The following ANKMY2 variants were observed in gnomAD, a reference collection of about 807,000 sequenced individuals.
The protein encoded by ANKMY2 is ankyrin repeat and MYND domain containing 2, also known as ankyrin repeat and MYND domain-containing protein 2.
In ANKMY2, 36 loss-of-function variants were observed where a neutral mutation model predicts 50.4. The ratio of observed to expected loss-of-function variants is 0.71; its 90% confidence interval spans 0.55 to 0.94. ANKMY2 has a LOEUF of 0.94. ANKMY2 is among the 40% of genes least tolerant of loss of function. The pLI, the probability that ANKMY2 is intolerant of heterozygous loss-of-function variation, is 0.00. For synonymous variants in ANKMY2, 187 were observed against 178.8 expected (o/e 1.05, Z -0.36); for missense variants, 565 against 524.0 (o/e 1.08, Z -0.76).
At chr7:16,605,374 G>A (rs1008325021) in intron 7 of ANKMY2, among the ~76,000 whole-genome samples, 3 of 152,152 alleles carry the variant, frequency 2.0e-5, no homozygotes, top group African/African-American at 4.8e-5. Context: ...TAATTGGTAT[G>A]TTCCAAATTT....
chr7:16,621,933 C>T (rs990738324), intron 4 of ANKMY2, among the ~76,000 whole-genome samples: 5 of 151,868 alleles, frequency 3.3e-5, no homozygotes, highest in African/African-American at 1.2e-4. Flanking sequence ...TATGCCACTG[C>T]ACTCCAGCCT....
At chr7:16,615,432 A>G (rs1781328890) in intron 5 of ANKMY2, among the ~76,000 whole-genome samples, 1 of 152,136 alleles carries the variant, frequency 6.6e-6, no homozygotes, top group Admixed American at 6.5e-5. Context: ...TGAATACAAA[A>G]GAATTCCTTT....
intron 4 of ANKMY2, among the ~76,000 whole-genome samples, chr7:16,617,919 T>G (rs914892845): frequency 1.6e-4 from 6 of 38,470 alleles, no homozygotes; most frequent in Admixed American, 6.5e-4. Context: ...GTGAGCGTGT[T>G]TTTTTTTTTT....
chr7:16,635,312 G>T (rs1327217012), intron 2 of ANKMY2, among the ~76,000 whole-genome samples: 1 of 152,130 alleles, frequency 6.6e-6, no homozygotes, highest in Non-Finnish European at 1.5e-5. Context: ...CTAATATATT[G>T]TGACTAAAAG....
chr7:16,627,010 A>G (rs1290648248), intron 3 of ANKMY2, 30 bp downstream of exon 3: 3 of 1,547,742 alleles, frequency 1.9e-6, no homozygotes, highest in Non-Finnish European at 2.6e-6. Context: ...TTGTATAGGT[A>G]ACTTATATTT....
chr7:16,603,419 T>G (rs989366693), intron 8 of ANKMY2: 1 of 330,636 alleles, frequency 3.0e-6, no homozygotes, highest in East Asian at 7.5e-5. Context: ...AGAAAATATC[T>G]AGTACAAAAA....
chr7:16,612,609 G>A (rs560572828), intron 5 of ANKMY2, among the ~76,000 whole-genome samples: 153 of 152,200 alleles, frequency 1.0e-3, no homozygotes, highest in African/African-American at 3.2e-3. Context: ...TTACAAGTGA[G>A]AATTCTTTCA....
intron 8 of ANKMY2, among the ~76,000 whole-genome samples, chr7:16,604,453 C>G (rs751948400): frequency 1.3e-5 from 2 of 152,332 alleles, no homozygotes; most frequent in East Asian, 3.9e-4. Context: ...TTCTCATATT[C>G]ATTCATTCAT....
At chr7:16,622,328 A>G (rs576493974) in intron 4 of ANKMY2, among the ~76,000 whole-genome samples, 2 of 152,352 alleles carry the variant, frequency 1.3e-5, no homozygotes, top group South Asian at 4.1e-4. Flanking sequence ...AAGTAAGTTC[A>G]CAATGTACCA....
chr7:16,616,285 T>C (rs897125790), intron 4 of ANKMY2, among the ~76,000 whole-genome samples: 1 of 152,166 alleles, frequency 6.6e-6, no homozygotes, highest in Non-Finnish European at 1.5e-5. Context: ...TCCAGTTGTA[T>C]TTACACAAAA....
chr7:16,642,815 T>G (rs1781763435), intron 1 of ANKMY2, among the ~76,000 whole-genome samples: 1 of 152,232 alleles, frequency 6.6e-6, no homozygotes, highest in South Asian at 2.1e-4. Context: ...TGAGTTAACT[T>G]GACAGATGTT....
chr7:16,624,377 T>C (rs1781481637), intron 4 of ANKMY2, among the ~76,000 whole-genome samples: 1 of 152,206 alleles, frequency 6.6e-6, no homozygotes, highest in African/African-American at 2.4e-5. Context: ...AGGATTAACA[T>C]GCCAAGAATT....
rs1781087205 is a variant in ANKMY2, at chr7:16,602,449, T to C, written c.1072A>G (p.Lys358Glu). The part of the protein sequence containing the change: ...THWFTHKKIC[K>E]NLKDIYEKQQ... ...TTTTCGTAAATGTCCTTCAGATTCTTACAGATTTTCTTATGAGTAAACCAG... is the reference window on the plus strand; with the variant it reads ...TTTTCGTAAATGTCCTTCAGATTCTCACAGATTTTCTTATGAGTAAACCAG... The change falls in exon 9 of 10, where the codon AAG becomes GAG. Residue 358 changes from lysine (K) to glutamate (E), a missense_variant. Coordinates refer to ENST00000306999, the MANE Select transcript of ANKMY2 (RefSeq NM_020319.3). 2 of 1,613,914 alleles carry C rather than the reference T, an allele frequency of 1.2e-6. No individual in the cohort carries two copies. Among genetic ancestry groups the C allele is most frequent in the African/African-American group, 1.3e-5 (1 of 74,934 alleles).
chr7:16,625,308 G>A (rs1225155179), intron 3 of ANKMY2, among the ~76,000 whole-genome samples: 1 of 152,068 alleles, frequency 6.6e-6, no homozygotes, highest in African/African-American at 2.4e-5. Flanking sequence ...CAATGCAAAG[G>A]CAGTATGGAA....
At chr7:16,624,883 G>T in intron 4 of ANKMY2, 100 bp downstream of exon 4, 1 of 982,624 alleles carries the variant, frequency 1.0e-6, no homozygotes. Context: ...TTTTTTTAAA[G>T]CAACATGATA....
At chr7:16,630,088 A>G (rs1429419280) in intron 2 of ANKMY2, among the ~76,000 whole-genome samples, 2 of 152,190 alleles carry the variant, frequency 1.3e-5, no homozygotes, top group Admixed American at 6.5e-5. Flanking sequence ...TTAATTTAAA[A>G]TATTATATTA....
intron 4 of ANKMY2, among the ~76,000 whole-genome samples, chr7:16,620,919 CAAGAAA>C (rs1423509153): frequency 2.0e-5 from 3 of 151,722 alleles, no homozygotes; most frequent in East Asian, 3.9e-4. Flanking sequence ...AAGAATTCAA[CAAGAAA>C]AAGAGTGACA....
intron 4 of ANKMY2, among the ~76,000 whole-genome samples, chr7:16,619,342 C>T (rs533108368): frequency 2.6e-5 from 4 of 152,036 alleles, no homozygotes; most frequent in Admixed American, 2.0e-4. Context: ...TTAGTAGAGG[C>T]GGGGTTTCTC....
intron 1 of ANKMY2, among the ~76,000 whole-genome samples, chr7:16,641,310 C>T (rs1206001220): frequency 2.0e-5 from 3 of 151,882 alleles, no homozygotes; most frequent in Admixed American, 6.6e-5. Context: ...TGAATTTGTG[C>T]GATGTTTCTA....
Sources: allele counts gnomAD v4.1 joint callset (sites outside exome capture counted in the v4.1 genomes callset), GRCh38; gene constraint gnomAD v4.1.1; transcripts MANE v1.5; gene names NCBI Gene and HGNC (gene_info 2026-07-23, HGNC 2026-07-21).